BCAS1: variants seen among roughly 807,000 people sequenced by gnomAD.
The protein encoded by BCAS1 is brain enriched myelin associated protein 1.
In BCAS1, 46 loss-of-function variants were observed where a neutral mutation model predicts 65.4. That is an observed-to-expected ratio of 0.70 (90% CI 0.55 to 0.90). BCAS1 has a LOEUF of 0.90. BCAS1 is among the 40% of genes least tolerant of loss of function. The pLI is 0.00. For synonymous variants in BCAS1, 298 were observed against 293.5 expected, an observed-to-expected ratio of 1.02 and a Z score of -0.16; for missense variants, 793 against 771.2, an observed-to-expected ratio of 1.03 and a Z score of -0.33.
At position 53,950,801 on chromosome 20, in the gene BCAS1, G is replaced by A. The variant is rs185523103; in HGVS notation, c.1815+2631C>T. 1.8e-3 allele frequency among the ~76,000 whole-genome samples: 280 copies of A among 152,306 alleles called. 7 individuals are homozygous for A. The highest frequency in any genetic ancestry group is 0.018 in the Admixed American group (269 of 15,300). On this transcript the variant is annotated intron_variant, in intron 12 of 12. Transcript: ENST00000688948. ...TAAGCCTTATGAGCCATGCAGTCTAGTCAACTAGTCAACCCAACCAGTCAA... is the reference window on the plus strand; with the variant it reads ...TAAGCCTTATGAGCCATGCAGTCTAATCAACTAGTCAACCCAACCAGTCAA...
At chr20:54,065,164 C>CTATCTATCT (rs56202418) in intron 1 of BCAS1, among the ~76,000 whole-genome samples, 316 of 121,012 alleles carry the variant, frequency 2.6e-3, no homozygotes, top group East Asian at 9.8e-3. Context: ...ATCTATCTAT[C>CTATCTATCT]ATCTACTTTA....
intron 3 of BCAS1, among the ~76,000 whole-genome samples, chr20:54,056,779 CAGGAA>C (rs1207915484): frequency 6.6e-6 from 1 of 152,146 alleles, no homozygotes; most frequent in East Asian, 1.9e-4. Context: ...CTTCATTACT[CAGGAA>C]AGGAAACTGA....
chr20:53,958,590 A>G (rs897810629), intron 10 of BCAS1, among the ~76,000 whole-genome samples: 2 of 152,232 alleles, frequency 1.3e-5, no homozygotes, highest in African/African-American at 4.8e-5. Context: ...TTGACTGATT[A>G]ATATTATGTA....
At chr20:53,953,729 G>A (rs369620090) in intron 11 of BCAS1, 34 bp from the exon 12 acceptor site, 1 of 1,599,240 alleles carries the variant, frequency 6.3e-7, no homozygotes, top group South Asian at 1.1e-5. Context: ...CATTTTTAGT[G>A]GCTGCAGGAC....
chr20:53,975,702 C>T (rs1372337163), intron 8 of BCAS1, among the ~76,000 whole-genome samples: 1 of 151,966 alleles, frequency 6.6e-6, no homozygotes, highest in Non-Finnish European at 1.5e-5. Context: ...GAAGCGTTGT[C>T]ACAGAAAATG....
rs1305285672 is a variant in BCAS1, at chr20:53,957,451, C to CACAA, written c.1531_1532insTTGT (p.Gly511ValfsTer23). On this transcript the variant is annotated frameshift_variant, in exon 11 of 13. Transcript: ENST00000688948. LOFTEE classifies it high-confidence loss of function. Reference sequence around the variant, plus strand: ...ACTTACTTGGCAGCTGGAGTCTTTCCCATTTATTTCTTCTGAGTGGGTGAT... The same window carrying CACAA: ...ACTTACTTGGCAGCTGGAGTCTTTCCACAACATTTATTTCTTCTGAGTGGGTGAT... 2 of 1,614,078 alleles carry CACAA rather than the reference C, an allele frequency of 1.2e-6. No homozygotes were observed. The highest frequency in any genetic ancestry group is 3.3e-5 in the Admixed American group (2 of 60,022).
intron 4 of BCAS1, among the ~76,000 whole-genome samples, chr20:54,000,135 T>C (rs920666238): frequency 2.0e-5 from 3 of 152,214 alleles, no homozygotes; most frequent in Non-Finnish European, 4.4e-5. Flanking sequence ...TTTCTCCTAG[T>C]AGATTTCACT....
Position 53,953,423 on chromosome 20 carries a change from T to A in BCAS1, c.1815+9A>T. 1 of 1,612,026 alleles carries A rather than the reference T, an allele frequency of 6.2e-7. No homozygotes were observed. Among genetic ancestry groups the A allele is most frequent in the South Asian group, 1.1e-5 (1 of 90,972 alleles). On this transcript the variant is annotated intron_variant, in intron 12 of 12. Transcript: ENST00000688948. ...GCCCAGAAAGAAGAGGCAAAAAAAA[T>A]CCACCTACCAGGCCTTTAAAGAAGC... is the stretch of plus-strand genomic sequence containing the variant.
rs977376144 is a variant in BCAS1, at chr20:53,960,496, A to G, written c.1486-2999T>C. On this transcript the variant is annotated intron_variant, in intron 10 of 12. Coordinates refer to ENST00000688948, the MANE Select transcript of BCAS1 (RefSeq NM_001366298.2). ...AAAAAAAAAAAAAAAAAAAAAAAAAAGAGAGAGAGAGTATCTCAAACTTTT... is the reference window on the plus strand; with the variant it reads ...AAAAAAAAAAAAAAAAAAAAAAAAAGGAGAGAGAGAGTATCTCAAACTTTT... Among the ~76,000 whole-genome samples, 313 of 74,670 alleles carry G rather than the reference A, an allele frequency of 4.2e-3. 2 individuals are homozygous for G. Among genetic ancestry groups the G allele is most frequent in the African/African-American group, 0.025 (306 of 12,256 alleles). The allele number at this position is 74,670 out of a possible 152,430, so 49.0% of individuals were successfully genotyped here. A position where few individuals can be genotyped will look rare whatever the true frequency, so the allele number is the denominator to read the frequency against.
At chr20:53,970,074 T>C (rs528744030) in intron 9 of BCAS1, among the ~76,000 whole-genome samples, 1 of 151,374 alleles carries the variant, frequency 6.6e-6, no homozygotes, top group East Asian at 2.1e-4. Flanking sequence ...ATTCTGTCTT[T>C]GAGGCAGTGA....
Position 54,043,706 on chromosome 20 carries a change from C to T in BCAS1, c.142+14379G>A, listed in dbSNP as rs1200302003. ...TGTGGGAACAGATAGCTGGGCCCCA[C>T]CCCCAGGGAAGGGGGTGTTTCTGAC... On this transcript the variant is annotated intron_variant, in intron 3 of 12. Transcript: ENST00000688948. Among the ~76,000 whole-genome samples, 5 of 152,232 alleles carry T rather than the reference C, an allele frequency of 3.3e-5. No homozygotes were observed. In the South Asian group the frequency reaches 8.3e-4, roughly 25 times the overall value.
At chr20:53,961,294 G>A (rs75951879) in intron 10 of BCAS1, among the ~76,000 whole-genome samples, 2,813 of 152,278 alleles carry the variant, frequency 0.018, 30 homozygotes, top group Non-Finnish European at 0.024. Flanking sequence ...AAAAGAAAAA[G>A]AATTGGGCTG....
intron 1 of BCAS1, among the ~76,000 whole-genome samples, chr20:54,065,225 G>A (rs530607930): frequency 6.6e-6 from 1 of 151,082 alleles, no homozygotes; most frequent in Non-Finnish European, 1.5e-5. Context: ...AATGTTTAGG[G>A]TATTTTATTT....
intron 3 of BCAS1, among the ~76,000 whole-genome samples, chr20:54,037,794 A>C (rs1029093103): frequency 6.6e-6 from 1 of 151,112 alleles, no homozygotes; most frequent in African/African-American, 2.4e-5. Context: ...AACTCCCAAC[A>C]ACATGTGGTA....
chr20:54,002,480 G>C (rs6123339), intron 4 of BCAS1, among the ~76,000 whole-genome samples: 25,366 of 152,182 alleles, frequency 0.17, 2,382 homozygotes, highest in East Asian at 0.28. Context: ...TAATAGTAGA[G>C]AGTGTTGACT....
At chr20:54,050,634 C>T (rs2092195039) in intron 3 of BCAS1, among the ~76,000 whole-genome samples, 2 of 152,186 alleles carry the variant, frequency 1.3e-5, no homozygotes, top group African/African-American at 2.4e-5. Flanking sequence ...TGCATTACCT[C>T]GTCTAGTCCT....
intron 10 of BCAS1, among the ~76,000 whole-genome samples, chr20:53,965,892 G>A (rs546375365): frequency 1.3e-4 from 20 of 151,800 alleles, no homozygotes; most frequent in African/African-American, 4.6e-4. Context: ...ATAAATAATA[G>A]TAAGCAATAA....
intron 9 of BCAS1, among the ~76,000 whole-genome samples, chr20:53,973,657 C>A (rs547813991): frequency 6.6e-6 from 1 of 152,244 alleles, no homozygotes; most frequent in South Asian, 2.1e-4. Context: ...ACTTAAAGTT[C>A]GTAGAAAGAA....
At chr20:53,950,462 A>C (rs2089483643) in intron 12 of BCAS1, among the ~76,000 whole-genome samples, 1 of 150,538 alleles carries the variant, frequency 6.6e-6, no homozygotes. Flanking sequence ...CTCAGGCAAA[A>C]GTAGCACACA....
Sources: gnomAD v4.1 joint callset for allele counts (sites outside exome capture counted in the v4.1 genomes callset) on GRCh38, gnomAD v4.1.1 for gene constraint, MANE v1.5 for transcripts, NCBI Gene and HGNC (gene_info 2026-07-23, HGNC 2026-07-21) for gene names.